COL4A2: variants seen among roughly 807,000 people sequenced by gnomAD.
COL4A2 encodes collagen alpha-2(IV) chain.
In COL4A2, 99 loss-of-function variants were observed where a neutral mutation model predicts 200.2. The observed-to-expected ratio is 0.49, with a 90% confidence interval of 0.42 to 0.58. The LOEUF (loss-of-function observed/expected upper bound fraction) is 0.58, where lower values mean the gene tolerates loss of function less well. COL4A2 is among the 20% of genes least tolerant of loss of function. The pLI is 0.00. For missense variants in COL4A2, 1,950 were observed against 2,314.1 expected (o/e 0.84, Z 3.23); for synonymous variants, 897 against 900.6 (o/e 1.00, Z 0.07).
At chr13:110,317,040 G>A (rs1318519205) in intron 3 of COL4A2, among the ~76,000 whole-genome samples, 1 of 148,302 alleles carries the variant, frequency 6.7e-6, no homozygotes, top group Non-Finnish European at 1.5e-5. Flanking sequence ...ACACATACAT[G>A]CATGCACATA....
Position 110,428,475 on chromosome 13 carries a change from G to T in COL4A2, c.369G>T (p.Pro123=). 4 of 1,571,954 alleles carry T rather than the reference G, an allele frequency of 2.5e-6. No homozygotes were observed. The African/African-American group carries it at 4.2e-5, about 16-fold the overall frequency. ...FPGADGIPGH[P]GQGGPRGRPG... Reference sequence around the variant, plus strand: ...ACTGCTCTCTTTCCCAGGGACACCCGGGGCAAGGTGGGCCCAGGGGAAGGC... The same window carrying T: ...ACTGCTCTCTTTCCCAGGGACACCCTGGGCAAGGTGGGCCCAGGGGAAGGC... The change falls in exon 7 of 48, where the codon CCG becomes CCT. Residue 123 remains proline, a synonymous_variant. Transcript: ENST00000360467.
Position 110,307,309 on chromosome 13 carries a change from A to G in COL4A2, c.-264A>G, listed in dbSNP as rs971016032. On this transcript the variant is annotated 5_prime_UTR_variant, in exon 1 of 48. Transcript: ENST00000360467. This position sits in a 1 kb window ranked among gnomAD's most constrained non-coding sequence, Gnocchi z 5.0. ...GAGTGTGGCTGCAGTGCGCCGGGAC[A>G]CCAGGGCTCCGCGCTCCGCACTCAA... The G allele has an allele frequency of 8.7e-6, 3 of 344,620 alleles. No individual in the cohort carries two copies. The highest frequency in any genetic ancestry group is 2.2e-5 in the African/African-American group (1 of 46,320). 21.3% of individuals were successfully genotyped at this position (344,620 alleles called of 1,614,324 possible).
At chr13:110,414,394 T>G (rs1879962180) in intron 4 of COL4A2, among the ~76,000 whole-genome samples, 1 of 152,246 alleles carries the variant, frequency 6.6e-6, no homozygotes, top group African/African-American at 2.4e-5. Context: ...CCCAAACTGC[T>G]AGACCAGAAA....
intron 16 of COL4A2, among the ~76,000 whole-genome samples, chr13:110,442,115 A>AAG (rs149076364): frequency 6.2e-5 from 9 of 145,992 alleles, no homozygotes; most frequent in African/African-American, 1.0e-4. Context: ...AAAAAAAAAA[A>AAG]GGGCAGTTCC....
chr13:110,399,297 TGTC>T (rs1204889626), intron 4 of COL4A2, among the ~76,000 whole-genome samples: 1 of 152,242 alleles, frequency 6.6e-6, no homozygotes, highest in African/African-American at 2.4e-5. Flanking sequence ...GAGCCTGTGA[TGTC>T]AGACACCTTG....
chr13:110,448,868 C>T (rs1025598485), intron 18 of COL4A2, among the ~76,000 whole-genome samples: 4 of 152,210 alleles, frequency 2.6e-5, no homozygotes. Context: ...GAGATGGAAG[C>T]GCAGGGCGTT....
At chr13:110,321,178 ATG>A (rs10602824) in intron 3 of COL4A2, among the ~76,000 whole-genome samples, 96,564 of 149,602 alleles carry the variant, frequency 0.65, 31,397 homozygotes, top group African/African-American at 0.7. Flanking sequence ...TATAGTGTGC[ATG>A]TGTGTGTGTG....
intron 4 of COL4A2, among the ~76,000 whole-genome samples, chr13:110,422,416 C>T (rs1880287731): frequency 6.6e-6 from 1 of 152,206 alleles, no homozygotes; most frequent in Admixed American, 6.5e-5. Flanking sequence ...TGAGTCTCCT[C>T]GCCTAGGTAG....
rs899559102 is a variant in COL4A2 at position 110,503,007 on chromosome 13, C to T, written c.3878-114C>T. On this transcript the variant is annotated intron_variant, in intron 41 of 47. Coordinates refer to ENST00000360467, the MANE Select transcript of COL4A2 (RefSeq NM_001846.4). ...TTTAAAAACATAGACAAAGTCATTC[C>T]ATGCCACAGACTTGCCAGAGACTGT... 6 of 932,050 alleles carry T rather than the reference C, an allele frequency of 6.4e-6. No individual in the cohort carries two copies. The African/African-American group carries it at 6.7e-5, about 10-fold the overall frequency. The allele number at this position is 932,050 out of a possible 1,614,324, so 57.7% of individuals were successfully genotyped here. A position where few individuals can be genotyped will look rare whatever the true frequency, so the allele number is the denominator to read the frequency against.
In COL4A2 at chr13:110,370,950, A is replaced by G. The variant is rs550666862; in HGVS notation, c.180+13398A>G. Among the ~76,000 whole-genome samples the G allele has an allele frequency of 1.9e-4, 29 of 152,344 alleles. No individual in the cohort carries two copies. In the East Asian group the frequency reaches 1.9e-3, roughly 10 times the overall value. Reference sequence around the variant, plus strand: ...TCAAGTTGAATAATCAGACTGAGGAAGTTAACAAAAAGAACTTTGTGGGTG... The same window carrying G: ...TCAAGTTGAATAATCAGACTGAGGAGGTTAACAAAAAGAACTTTGTGGGTG... On this transcript the variant is annotated intron_variant, in intron 4 of 47. Transcript: ENST00000360467.
At chr13:110,379,779 G>A (rs1475824546) in intron 4 of COL4A2, among the ~76,000 whole-genome samples, 1 of 152,178 alleles carries the variant, frequency 6.6e-6, no homozygotes, top group Non-Finnish European at 1.5e-5. Flanking sequence ...AGGTGGCTAT[G>A]CCTGTGCACC....
intron 14 of COL4A2, 135 bp downstream of exon 14, chr13:110,438,172 A>G: frequency 5.8e-6 from 4 of 684,166 alleles, no homozygotes; most frequent in Non-Finnish European, 5.1e-6. Context: ...ATAGCAGAAC[A>G]GTATTAGCAT....
intron 7 of COL4A2, 137 bp downstream of exon 7, chr13:110,428,720 G>A (rs1880564103): frequency 8.9e-6 from 4 of 449,282 alleles, no homozygotes; most frequent in South Asian, 1.2e-4. Flanking sequence ...AAGACATGAC[G>A]TTTCTGGATT....
chr13:110,352,081 T>A (rs138946883), intron 3 of COL4A2, among the ~76,000 whole-genome samples: 1 of 152,284 alleles, frequency 6.6e-6, no homozygotes, highest in African/African-American at 2.4e-5. Context: ...ATGTTCCTGA[T>A]TCCCTGATAA....
Position 110,503,939 on chromosome 13 carries a change from G to A in COL4A2, c.4231G>A (p.Gly1411Ser). The change falls in exon 44 of 48, where the codon GGC becomes AGC. Residue 1411 changes from glycine (G) to serine (S), a missense_variant. Transcript: ENST00000360467. ...GACAGTGGGTCCCCAGGGGAGGCGA[G>A]GCCCCCCTGGGGCACCGGGGGAGAT... ...PGTVGPQGRR[G>S]PPGAPGEMGP... 1 of 1,583,722 alleles carries A rather than the reference G, an allele frequency of 6.3e-7. No individual in the cohort carries two copies. The highest frequency in any genetic ancestry group is 8.6e-7 in the Non-Finnish European group (1 of 1,160,896).
chr13:110,486,095 A>T (rs1378208951), intron 34 of COL4A2, among the ~76,000 whole-genome samples: 19 of 152,134 alleles, frequency 1.2e-4, no homozygotes. Flanking sequence ...TGCATTTTTC[A>T]TGGTGGCCTT....
At chr13:110,384,878 G>A (rs577611357) in intron 4 of COL4A2, among the ~76,000 whole-genome samples, 36 of 152,232 alleles carry the variant, frequency 2.4e-4, no homozygotes, top group Admixed American at 3.9e-4. Context: ...CAGTTTCCCT[G>A]CAAATAGGGG....
At chr13:110,381,029 C>A (rs1387376971) in intron 4 of COL4A2, among the ~76,000 whole-genome samples, 1 of 147,530 alleles carries the variant, frequency 6.8e-6, no homozygotes, top group South Asian at 2.2e-4. Flanking sequence ...CACCCACGGG[C>A]TCTGTCTCAC....
At chr13:110,373,214 G>T (rs2139403496) in intron 4 of COL4A2, among the ~76,000 whole-genome samples, 1 of 152,310 alleles carries the variant, frequency 6.6e-6, no homozygotes, top group Admixed American at 6.5e-5. Context: ...CAAACTTTAG[G>T]ATTTCCATTC....
Sources: allele counts gnomAD v4.1 joint callset (sites outside exome capture counted in the v4.1 genomes callset), GRCh38; gene constraint gnomAD v4.1.1; non-coding constraint Gnocchi (gnomAD v3.1); transcripts MANE v1.5; gene names NCBI Gene and HGNC (gene_info 2026-07-23, HGNC 2026-07-21).